ZCWPW2: variants seen among roughly 807,000 people sequenced by gnomAD.
ZCWPW2 encodes the protein zinc finger CW-type and PWWP domain containing 2.
A neutral mutation model predicts 46.6 loss-of-function variants in ZCWPW2; 45 were observed. The ratio of observed to expected loss-of-function variants is 0.96; its 90% CI spans 0.76 to 1.24. ZCWPW2 has a LOEUF of 1.24. Among genes scored for constraint, ZCWPW2 ranks in the 50% most tolerant of loss-of-function variants. The pLI, the probability that ZCWPW2 is intolerant of heterozygous loss-of-function variation, is 0.00. For synonymous variants in ZCWPW2, 152 were observed against 137.1 expected (o/e 1.11, Z -0.76); for missense variants, 429 against 403.9 (o/e 1.06, Z -0.53).
chr3:28,384,763 A>G (rs1239060477), intron 1 of ZCWPW2, among the ~76,000 whole-genome samples: 1 of 151,500 alleles, frequency 6.6e-6, no homozygotes, highest in Admixed American at 6.6e-5. Flanking sequence ...ACAGGCACCC[A>G]TTTCCACGGC....
At chr3:28,438,562 A>G (rs1360927418) in intron 4 of ZCWPW2, among the ~76,000 whole-genome samples, 1 of 152,218 alleles carries the variant, frequency 6.6e-6, no homozygotes, top group Non-Finnish European at 1.5e-5. Flanking sequence ...TGTGGGGAAG[A>G]TGATGAATCT....
intron 4 of ZCWPW2, among the ~76,000 whole-genome samples, chr3:28,465,989 C>T (rs1180897684): frequency 4.6e-5 from 7 of 152,056 alleles, no homozygotes; most frequent in Non-Finnish European, 8.8e-5. Context: ...TGGAATACTA[C>T]GTAGCCATAA....
chr3:28,466,219 A>G (rs1165898786), intron 4 of ZCWPW2, among the ~76,000 whole-genome samples: 1 of 152,124 alleles, frequency 6.6e-6, no homozygotes, highest in African/African-American at 2.4e-5. Flanking sequence ...AGATAGAAAA[A>G]CTACCTATTG....
intron 6 of ZCWPW2, among the ~76,000 whole-genome samples, chr3:28,498,238 C>CGTGTGTGTGTGT (rs56760870): frequency 6.9e-6 from 1 of 145,488 alleles, no homozygotes; most frequent in African/African-American, 2.5e-5. Context: ...TACATATATA[C>CGTGTGTGTGTGT]GTGTGTGTGT....
At chr3:28,427,377 T>C (rs1697059920) in intron 3 of ZCWPW2, among the ~76,000 whole-genome samples, 1 of 152,220 alleles carries the variant, frequency 6.6e-6, no homozygotes, top group African/African-American at 2.4e-5. Flanking sequence ...GAAGTAATCA[T>C]GTTTTCTACA....
chr3:28,437,248 T>C (rs532664004), intron 4 of ZCWPW2, among the ~76,000 whole-genome samples: 1 of 152,346 alleles, frequency 6.6e-6, no homozygotes, highest in East Asian at 1.9e-4. Context: ...TAGTCATGTA[T>C]AATTTTCACT....
At position 28,516,188 on chromosome 3, in the gene ZCWPW2, C is replaced by T. The variant is rs149850289; in HGVS notation, c.784+567C>T. Among the ~76,000 whole-genome samples, 730 of 150,734 alleles carry T rather than the reference C, an allele frequency of 4.8e-3. 4 individuals are homozygous for T. The highest frequency in any genetic ancestry group is 7.0e-3 in the Non-Finnish European group (471 of 67,684). On this transcript the variant is annotated intron_variant, in intron 8 of 9. Transcript: ENST00000383768. ...CTGGGAGGCGGAGGTTGCAGTGAGC[C>T]GAGATCACACCACTGCATTCCAGCC...
intron 4 of ZCWPW2, among the ~76,000 whole-genome samples, chr3:28,477,676 A>G (rs1468889690): frequency 2.0e-5 from 3 of 152,176 alleles, no homozygotes; most frequent in Non-Finnish European, 4.4e-5. Context: ...CATTCTCTGA[A>G]TTAATTCAAT....
chr3:28,478,916 C>A lies in ZCWPW2; in HGVS notation c.595C>A (p.Leu199Ile). 6.3e-7 allele frequency: 1 copy of A among 1,577,020 alleles called. No homozygotes were observed. The highest frequency in any genetic ancestry group is 1.2e-5 in the South Asian group (1 of 83,942). Residue 199 changes from leucine to isoleucine, a missense_variant, in exon 5 of 10, where the codon CTA (leucine) becomes ATA (isoleucine). By Grantham distance (5) the Leu-to-Ile change is conservative. Coordinates refer to ENST00000383768, the MANE Select transcript of ZCWPW2 (RefSeq NM_001040432.4). ...TGAGCAAAGACTGGAAATGTGCTGC[C>A]TATCAAAACTACAAGGTGTATAAAT... ...SHEQRLEMCC[L>I]SKLQDKSETH...
chr3:28,460,552 C>A (rs1448383832), intron 4 of ZCWPW2, among the ~76,000 whole-genome samples: 1 of 152,026 alleles, frequency 6.6e-6, no homozygotes, highest in African/African-American at 2.4e-5. Context: ...TATTAGAAAG[C>A]CAAGGAGGCT....
chr3:28,477,278 A>G (rs1699267074), intron 4 of ZCWPW2, among the ~76,000 whole-genome samples: 2 of 152,170 alleles, frequency 1.3e-5, no homozygotes, highest in Admixed American at 1.3e-4. Context: ...TAACTTACTT[A>G]ATGAATGAAA....
intron 4 of ZCWPW2, among the ~76,000 whole-genome samples, chr3:28,453,822 TATTTATTTA>T (rs919939949): frequency 1.3e-5 from 2 of 148,178 alleles, no homozygotes; most frequent in African/African-American, 4.9e-5. Flanking sequence ...TTTATTTATT[TATTTATTTA>T]TTTTTATTTT....
chr3:28,398,858 G>A (rs1010484020), intron 2 of ZCWPW2, among the ~76,000 whole-genome samples: 3 of 152,222 alleles, frequency 2.0e-5, no homozygotes, highest in Non-Finnish European at 4.4e-5. Flanking sequence ...GTGGCCAGAA[G>A]CACTGAGAAA....
At chr3:28,505,326 AT>A (rs1246128644) in intron 6 of ZCWPW2, among the ~76,000 whole-genome samples, 2 of 152,190 alleles carry the variant, frequency 1.3e-5, no homozygotes, top group Non-Finnish European at 2.9e-5. Context: ...GGTCTCTCAC[AT>A]TGTTCAAATC....
chr3:28,427,145 T>G (rs1697047739), intron 3 of ZCWPW2, among the ~76,000 whole-genome samples: 1 of 152,216 alleles, frequency 6.6e-6, no homozygotes. Flanking sequence ...AAGTTACCAT[T>G]GGGTTGCCCA....
At chr3:28,516,341 T>C (rs1700573961) in intron 8 of ZCWPW2, among the ~76,000 whole-genome samples, 1 of 152,020 alleles carries the variant, frequency 6.6e-6, no homozygotes, top group Admixed American at 6.6e-5. Flanking sequence ...CCAACAACTA[T>C]ACATTTCAAT....
intron 2 of ZCWPW2, among the ~76,000 whole-genome samples, chr3:28,394,359 G>C (rs765638162): frequency 2.0e-5 from 3 of 152,116 alleles, no homozygotes; most frequent in Non-Finnish European, 4.4e-5. Flanking sequence ...ACAATCTACA[G>C]ATTCAATGCA....
intron 1 of ZCWPW2, among the ~76,000 whole-genome samples, chr3:28,354,540 G>A (rs562320696): frequency 1.5e-5 from 2 of 132,636 alleles, no homozygotes; most frequent in East Asian, 4.0e-4. Flanking sequence ...GTGTGGCAGA[G>A]ACACAACAAA....
Position 28,525,011 on chromosome 3 carries a change from A to G in ZCWPW2, c.*323A>G, listed in dbSNP as rs1700814955. On this transcript the variant is annotated 3_prime_UTR_variant, in exon 10 of 10. Coordinates refer to ENST00000383768, the MANE Select transcript of ZCWPW2 (RefSeq NM_001040432.4). Reference sequence around the variant, plus strand: ...AATGATTGTTTAGGCCCTTTGTTCAAAAATGGATAACTTAAAATGGCTGGC... The same window carrying G: ...AATGATTGTTTAGGCCCTTTGTTCAGAAATGGATAACTTAAAATGGCTGGC... The G allele has an allele frequency of 6.4e-6, 1 of 157,452 alleles. No individual in the cohort carries two copies. The highest frequency in any genetic ancestry group is 1.4e-5 in the Non-Finnish European group (1 of 71,912). The allele number at this position is 157,452 out of a possible 1,614,324, so 9.8% of individuals were successfully genotyped here.
Sources: gnomAD v4.1 joint callset for allele counts (sites outside exome capture counted in the v4.1 genomes callset) on GRCh38, gnomAD v4.1.1 for gene constraint, MANE v1.5 for transcripts, NCBI Gene and HGNC (gene_info 2026-07-23, HGNC 2026-07-21) for gene names.